Variants in ACAD11 observed in about 807,000 individuals in gnomAD.
ACAD11 encodes the protein acyl-Coenzyme A dehydrogenase family, member 11.
Under a neutral mutation model 102.2 loss-of-function variants are expected in ACAD11, and 83 were observed. The ratio of observed to expected loss-of-function variants is 0.81; its 90% confidence interval spans 0.68 to 0.97. The LOEUF (loss-of-function observed/expected upper bound fraction) is 0.97. ACAD11 is among the 50% of genes least tolerant of loss of function. ACAD11 has a pLI of 0.00. For synonymous variants in ACAD11, 324 were observed against 319.8 expected (o/e 1.01, Z -0.14); for missense variants, 901 against 951.7 (o/e 0.95, Z 0.70).
chr3:132,577,043 C>T (rs894895999), intron 15 of ACAD11, 28 bp from the exon 16 acceptor site: 10 of 1,389,498 alleles, frequency 7.2e-6, no homozygotes, highest in Non-Finnish European at 1.0e-5. Flanking sequence ...AAATTTAGAG[C>T]AAAAGGAGTT....
chr3:132,631,342 T>G lies in ACAD11; in HGVS notation c.840A>C (p.Ser280=). The change falls in exon 6 of 20, where the codon TCA becomes TCC. Residue 280 remains serine (S), a splice_region_variant and synonymous_variant. Transcript: ENST00000264990. ...TTAGACAACATTATGTTTTTATACCTGAGTTTTCACTATAAGAACCTTGAT... is the reference window on the plus strand; with the variant it reads ...TTAGACAACATTATGTTTTTATACCGGAGTTTTCACTATAAGAACCTTGAT... ...MINQGSYSEN[S]GIPSMEELIS... 1 of 1,437,996 alleles carries G rather than the reference T, an allele frequency of 7.0e-7. No homozygotes were observed. Among genetic ancestry groups the G allele is most frequent in the Non-Finnish European group, 9.2e-7 (1 of 1,087,948 alleles). The allele number at this position is 1,437,996 out of a possible 1,614,324, so 89.1% of individuals were successfully genotyped here. A position where few individuals can be genotyped will look rare whatever the true frequency, so the allele number is the denominator to read the frequency against.
intron 1 of ACAD11, chr3:132,654,609 G>C (rs1420820486): frequency 2.6e-5 from 4 of 152,210 alleles, no homozygotes; most frequent in African/African-American, 9.6e-5. Context: ...TGAGAACTCT[G>C]AGGCCTCCTT....
chr3:132,650,774 A>G (rs1022175164), intron 1 of ACAD11, among the ~76,000 whole-genome samples: 19 of 152,120 alleles, frequency 1.2e-4, no homozygotes, highest in African/African-American at 4.6e-4. Context: ...TGACAGCACT[A>G]CTACCTTGAG....
chr3:132,584,042 TG>T (rs1937683267), intron 13 of ACAD11, among the ~76,000 whole-genome samples: 1 of 152,208 alleles, frequency 6.6e-6, no homozygotes, highest in Admixed American at 6.5e-5. Context: ...TCTGTTGATT[TG>T]GGGTGGAGAG....
intron 17 of ACAD11, among the ~76,000 whole-genome samples, chr3:132,570,266 C>A (rs1247850158): frequency 6.6e-6 from 1 of 152,050 alleles, no homozygotes; most frequent in Non-Finnish European, 1.5e-5. Flanking sequence ...GTTTCCAATT[C>A]TAAACACAGA....
chr3:132,639,611 T>C lies in ACAD11; in HGVS notation c.583A>G (p.Ile195Val), dbSNP rs780755802. ...KQYQAAAHQD[I>V]PAMQQLSEWL... ...TCCGATAGCTGTTGCATGGCAGGGATGTCCTGATGAGCTGCAGCTTGATAT... is the reference window on the plus strand; with the variant it reads ...TCCGATAGCTGTTGCATGGCAGGGACGTCCTGATGAGCTGCAGCTTGATAT... Residue 195 changes from isoleucine to valine, a missense_variant, in exon 5 of 20, where the codon ATC becomes GTC. By Grantham distance (29) the Ile-to-Val change is conservative. Coordinates refer to ENST00000264990, the MANE Select transcript of ACAD11 (RefSeq NM_032169.5). 3.2e-5 allele frequency: 52 copies of C among 1,613,558 alleles called. No homozygotes were observed. The highest frequency in any genetic ancestry group is 4.3e-5 in the Non-Finnish European group (51 of 1,179,832).
At chr3:132,575,046 C>T (rs562789336) in intron 17 of ACAD11, among the ~76,000 whole-genome samples, 1 of 151,936 alleles carries the variant, frequency 6.6e-6, no homozygotes, top group African/African-American at 2.4e-5. Flanking sequence ...GGGGTTTCAC[C>T]ATGTTGCCCA....
chr3:132,628,662 TA>T (rs1433382349), intron 7 of ACAD11, among the ~76,000 whole-genome samples: 3 of 152,164 alleles, frequency 2.0e-5, no homozygotes, highest in Admixed American at 6.5e-5. Context: ...CATCCTAACA[TA>T]ATTCTAATTT....
intron 1 of ACAD11, chr3:132,659,364 T>C (rs1937999280): frequency 1.9e-6 from 1 of 521,820 alleles, no homozygotes. Flanking sequence ...TTAACAAAGA[T>C]TCCTTTGGAT....
chr3:132,653,623 G>A (rs997861957), intron 1 of ACAD11, among the ~76,000 whole-genome samples: 7 of 148,600 alleles, frequency 4.7e-5, no homozygotes, highest in South Asian at 2.2e-4. Context: ...ATTTCCTTTC[G>A]TAGAAAAACT....
In ACAD11 at chr3:132,579,538, T is replaced by C. The variant is rs1384801395; in HGVS notation, c.1642A>G (p.Lys548Glu). 2 of 1,613,108 alleles carry C rather than the reference T, an allele frequency of 1.2e-6. No individual in the cohort carries two copies. Among genetic ancestry groups the C allele is most frequent in the South Asian group, 1.1e-5 (1 of 90,992 alleles). Residue 548 changes from lysine to glutamate, a missense_variant, in exon 14 of 20, where the codon AAA becomes GAA. Coordinates refer to ENST00000264990, the MANE Select transcript of ACAD11 (RefSeq NM_032169.5). ...GTTCTTCCCAAAACAATTGCAATTT[T>C]GCACTTGGGATTCCCAGCTCCTAAA... is the stretch of plus-strand genomic sequence containing the variant. ...WSSGAGNPKC[K>E]IAIVLGRTQN...
At chr3:132,630,363 C>A in intron 7 of ACAD11, 74 bp downstream of exon 7, 1 of 1,431,500 alleles carries the variant, frequency 7.0e-7, no homozygotes, top group South Asian at 1.7e-5. Flanking sequence ...ATATAAAACC[C>A]GGAAGACTGG....
rs560256321 is a variant in ACAD11, at chr3:132,558,771, A to G, written c.*200T>C. The G allele has an allele frequency of 7.7e-5, 40 of 521,862 alleles. No homozygotes were observed. The highest frequency in any genetic ancestry group is 1.2e-4 in the Non-Finnish European group (36 of 299,040). The allele number at this position is 521,862 out of a possible 1,614,324, so 32.3% of individuals were successfully genotyped here. A position where few individuals can be genotyped will look rare whatever the true frequency, so the allele number is the denominator to read the frequency against. On this transcript the variant is annotated 3_prime_UTR_variant, in exon 20 of 20. Transcript: ENST00000264990. Reference sequence around the variant, plus strand: ...TAGATTGAATGACAACAGCTACAGCATTTCTTACTGAACTTAACCCTGTGT... The same window carrying G: ...TAGATTGAATGACAACAGCTACAGCGTTTCTTACTGAACTTAACCCTGTGT...
At chr3:132,623,743 C>T (rs1259068282) in intron 9 of ACAD11, among the ~76,000 whole-genome samples, 5 of 152,142 alleles carry the variant, frequency 3.3e-5, no homozygotes, top group African/African-American at 1.2e-4. Flanking sequence ...CAAAGTTCAG[C>T]AGAGTATCAC....
intron 11 of ACAD11, among the ~76,000 whole-genome samples, chr3:132,616,386 G>A (rs1939410813): frequency 3.3e-5 from 5 of 152,136 alleles, no homozygotes; most frequent in Admixed American, 3.3e-4. Context: ...GAAGTCTTTG[G>A]TAGGATTATT....
chr3:132,626,308 G>C (rs145716862), intron 9 of ACAD11, among the ~76,000 whole-genome samples: 152 of 151,786 alleles, frequency 1.0e-3, no homozygotes, highest in African/African-American at 3.5e-3. Context: ...TGAACAGCTT[G>C]AAATGATATG....
intron 13 of ACAD11, among the ~76,000 whole-genome samples, chr3:132,593,976 C>A (rs1938193457): frequency 6.6e-6 from 1 of 152,094 alleles, no homozygotes; most frequent in South Asian, 2.1e-4. Context: ...ATGATTATTT[C>A]ACGTATTTTG....
In ACAD11 at chr3:132,641,993, A is replaced by G. The variant is rs151242550; in HGVS notation, c.516T>C (p.Gly172=). ...QSLQLEGYGI[G]AGYCKRQVST... ...TTACCTGTCTTTTGCAGTACCCAGC[A>G]CCTATACCATATCCTTCCAGCTGCA... The change falls in exon 4 of 20, where the codon GGT becomes GGC. Residue 172 remains glycine, a synonymous_variant. Coordinates refer to ENST00000264990, the MANE Select transcript of ACAD11 (RefSeq NM_032169.5). 3.1e-6 allele frequency: 5 copies of G among 1,613,390 alleles called. No individual in the cohort carries two copies. The African/African-American group carries it at 5.3e-5, about 17-fold the overall frequency.
intron 9 of ACAD11, among the ~76,000 whole-genome samples, chr3:132,625,347 C>T (rs918427959): frequency 6.6e-6 from 1 of 152,008 alleles, no homozygotes; most frequent in South Asian, 2.1e-4. Flanking sequence ...AAGCTTATAC[C>T]AATTTATTCC....
Sources: allele counts gnomAD v4.1 joint callset (sites outside exome capture counted in the v4.1 genomes callset), GRCh38; gene constraint gnomAD v4.1.1; transcripts MANE v1.5; gene names NCBI Gene and HGNC (gene_info 2026-07-23, HGNC 2026-07-21).